LAMC3: variants seen among roughly 807,000 people sequenced by gnomAD.
The protein encoded by LAMC3 is laminin subunit gamma-3.
LAMC3 carries 128 observed loss-of-function variants against 173.8 expected under a neutral mutation model. The ratio of observed to expected loss-of-function variants is 0.74; its 90% confidence interval spans 0.64 to 0.85. The LOEUF (loss-of-function observed/expected upper bound fraction) is 0.85, where lower values mean the gene tolerates loss of function less well. Ranked by LOEUF, LAMC3 falls within the 40% of genes least tolerant of loss-of-function variation. The probability of loss-of-function intolerance (pLI) is 0.00; values close to 1 mark genes in which losing one functional copy is unlikely to be tolerated. For synonymous variants in LAMC3, 897 were observed against 909.1 expected (o/e 0.99, Z 0.24); for missense variants, 2,022 against 2,156.0 (o/e 0.94, Z 1.23).
intron 6 of LAMC3, 51 bp downstream of exon 6, chr9:131,039,299 A>C (rs1374275698): frequency 6.8e-7 from 1 of 1,473,276 alleles, no homozygotes; most frequent in Admixed American, 1.7e-5. Flanking sequence ...AATGACAAGA[A>C]GCAGGAGGAA....
chr9:131,067,009 G>T lies in LAMC3; in HGVS notation c.2397G>T (p.Gly799=). Residue 799 remains glycine (G), a synonymous_variant, in exon 14 of 28, where the codon GGG becomes GGT. Transcript: ENST00000361069. The stretch of plus-strand genomic sequence containing the variant: ...ATGGCTTTTTTGGGGACCCGCTGGG[G>T]CTCTTTGGGCACCCCCAGCCCTGCC... ...CDDGFFGDPL[G]LFGHPQPCHQ... The T allele has an allele frequency of 6.2e-7, 1 of 1,614,010 alleles. No homozygotes were observed. The highest frequency in any genetic ancestry group is 8.5e-7 in the Non-Finnish European group (1 of 1,180,022).
At chr9:131,054,658 T>G (rs1176646875) in intron 11 of LAMC3, among the ~76,000 whole-genome samples, 1 of 151,808 alleles carries the variant, frequency 6.6e-6, no homozygotes, top group Non-Finnish European at 1.5e-5. Context: ...GGAGGGAGAA[T>G]TGCTTGAACC....
Position 131,057,125 on chromosome 9 carries a change from T to C in LAMC3, c.2136T>C (p.His712=). The C allele has an allele frequency of 6.2e-7, 1 of 1,614,086 alleles. No homozygotes were observed. The highest frequency in any genetic ancestry group is 1.7e-4 in the Middle Eastern group (1 of 6,060). Residue 712 remains histidine (H), a synonymous_variant, in exon 12 of 28, where the codon CAT becomes CAC. Coordinates refer to ENST00000361069, the MANE Select transcript of LAMC3 (RefSeq NM_006059.4). Reference sequence around the variant, plus strand: ...GTGTCCCCTGCACCTGTAACCAGCATGGCACCTGTGACCCCAACACAGGTG... The same window carrying C: ...GTGTCCCCTGCACCTGTAACCAGCACGGCACCTGTGACCCCAACACAGGTG... ...ASCVPCTCNQ[H]GTCDPNTGIC...
chr9:131,081,986 G>C (rs571308648), intron 23 of LAMC3, 73 bp from the exon 24 acceptor site: 8 of 1,106,318 alleles, frequency 7.2e-6, no homozygotes, highest in Non-Finnish European at 1.1e-5. Flanking sequence ...ATGTGGGTTT[G>C]GTGCCCACTG....
At chr9:131,021,510 G>A (rs1267298000) in intron 1 of LAMC3, among the ~76,000 whole-genome samples, 1 of 151,784 alleles carries the variant, frequency 6.6e-6, no homozygotes, top group Non-Finnish European at 1.5e-5. Context: ...TCCTCAAACT[G>A]TGTTTTTCCT....
chr9:131,053,065 G>A (rs1440842381), intron 11 of LAMC3, 100 bp downstream of exon 11: 7 of 915,854 alleles, frequency 7.6e-6, no homozygotes, highest in East Asian at 2.6e-5. Flanking sequence ...CCTTGCGGCC[G>A]GGTGGTTATT....
intron 3 of LAMC3, among the ~76,000 whole-genome samples, chr9:131,034,200 G>T (rs182281421): frequency 6.6e-6 from 1 of 152,302 alleles, no homozygotes; most frequent in South Asian, 2.1e-4. Flanking sequence ...AGTGGAGCCC[G>T]TGGAGTCTCA....
intron 1 of LAMC3, among the ~76,000 whole-genome samples, chr9:131,025,564 G>A (rs1320996318): frequency 6.6e-6 from 1 of 152,132 alleles, no homozygotes; most frequent in Non-Finnish European, 1.5e-5. Flanking sequence ...GGGGGCCAAG[G>A]CAGGCAAAGG....
In LAMC3 at chr9:131,082,155, C is replaced by G; in HGVS notation, c.4024C>G (p.Leu1342Val). ...VMGARTLLAD[L>V]EGMKLQFPRP... ...GGGAGCCAGGACTCTGCTGGCTGAT[C>G]TGGAAGGTACGTGAGTCCAGCTGAC... Residue 1342 changes from leucine to valine, a missense_variant, in exon 24 of 28, where the codon CTG (leucine) becomes GTG (valine). Physicochemically the swap from Leu to Val is conservative, Grantham distance 32. Transcript: ENST00000361069. 1 of 1,611,612 alleles carries G rather than the reference C, an allele frequency of 6.2e-7. No individual in the cohort carries two copies. Among genetic ancestry groups the G allele is most frequent in the South Asian group, 1.1e-5 (1 of 90,850 alleles).
rs1490891215 is a variant in LAMC3 at position 131,092,004 on chromosome 9, G to A, written c.*217G>A. ...GTACCCAGTTCACCTGGACATGAGT[G>A]CACACTCTCACCCCTGCACATGCAT... On this transcript the variant is annotated 3_prime_UTR_variant, in exon 28 of 28. Coordinates refer to ENST00000361069, the MANE Select transcript of LAMC3 (RefSeq NM_006059.4). The A allele has an allele frequency of 1.6e-6, 1 of 612,220 alleles. No homozygotes were observed. The highest frequency in any genetic ancestry group is 2.9e-6 in the Non-Finnish European group (1 of 345,840). The allele number at this position is 612,220 out of a possible 1,614,324, so 37.9% of individuals were successfully genotyped here.
rs1243143011 is a variant in LAMC3, at chr9:131,045,628, A to C, written c.1487A>C (p.Gln496Pro). Residue 496 changes from glutamine to proline, a missense_variant, in exon 8 of 28, where the codon CAG (glutamine) becomes CCG (proline). Coordinates refer to ENST00000361069, the MANE Select transcript of LAMC3 (RefSeq NM_006059.4). ...SKVCASTAQF[Q>P]VHHILSDFHQ... ...GTGTGCGCGTCCACTGCCCAGTTCC[A>C]GGTGCATCACATCCTCAGCGATTTC... 1.9e-6 allele frequency: 3 copies of C among 1,614,064 alleles called. No homozygotes were observed. The African/African-American group carries it at 4.0e-5, about 22-fold the overall frequency.
At chr9:131,066,171 G>A (rs1829928477) in intron 13 of LAMC3, among the ~76,000 whole-genome samples, 1 of 150,862 alleles carries the variant, frequency 6.6e-6, no homozygotes, top group Non-Finnish European at 1.5e-5. Flanking sequence ...CTCCAGCCTG[G>A]GTGACAGGAC....
intron 1 of LAMC3, among the ~76,000 whole-genome samples, chr9:131,020,169 G>A (rs1277384212): frequency 2.6e-5 from 4 of 152,212 alleles, no homozygotes; most frequent in African/African-American, 2.4e-5. Flanking sequence ...GAATGCATGG[G>A]TGAGGCTGCC....
Position 131,009,716 on chromosome 9 carries a change from G to A in LAMC3, c.373+129G>A, listed in dbSNP as rs1011832186. The A allele has an allele frequency of 1.7e-5, 20 of 1,163,666 alleles. No homozygotes were observed. Among genetic ancestry groups the A allele is most frequent in the Middle Eastern group, 2.3e-4 (1 of 4,268 alleles). The allele number at this position is 1,163,666 out of a possible 1,614,324, so 72.1% of individuals were successfully genotyped here. On this transcript the variant is annotated intron_variant, in intron 1 of 27. Transcript: ENST00000361069. The surrounding 1 kb of genome is among the most constrained non-coding windows in gnomAD (Gnocchi z 4.3). ...ACCCAGATATGGTGTTGGATGGAGGGGCTCAGAAATAGGAATTAGGCTGGG... is the reference window on the plus strand; with the variant it reads ...ACCCAGATATGGTGTTGGATGGAGGAGCTCAGAAATAGGAATTAGGCTGGG...
chr9:131,048,365 C>A lies in LAMC3; in HGVS notation c.1520-655C>A, dbSNP rs187724920. On this transcript the variant is annotated intron_variant, in intron 8 of 27. Coordinates refer to ENST00000361069, the MANE Select transcript of LAMC3 (RefSeq NM_006059.4). ...AGCCACTGTGCCTGGCCTTCTAGTTCCTTCTAAATGCCTGTCTGCAAACTT... is the reference window on the plus strand; with the variant it reads ...AGCCACTGTGCCTGGCCTTCTAGTTACTTCTAAATGCCTGTCTGCAAACTT... Among the ~76,000 whole-genome samples, 11 of 152,264 alleles carry A rather than the reference C, an allele frequency of 7.2e-5. No homozygotes were observed. In the East Asian group the frequency reaches 2.1e-3, roughly 29 times the overall value.
chr9:131,067,284 G>A, intron 14 of LAMC3, 79 bp downstream of exon 14: 1 of 1,583,488 alleles, frequency 6.3e-7, no homozygotes, highest in Non-Finnish European at 8.6e-7. Flanking sequence ...CCCAGAAGGG[G>A]TGGCTGAGGA....
chr9:131,018,502 A>G (rs1461590562), intron 1 of LAMC3, among the ~76,000 whole-genome samples: 1 of 152,086 alleles, frequency 6.6e-6, no homozygotes, highest in Non-Finnish European at 1.5e-5. Flanking sequence ...CACAAGCTCC[A>G]GGGGCCAATG....
At chr9:131,060,496 TAGAC>T (rs1248501894) in intron 12 of LAMC3, among the ~76,000 whole-genome samples, 2 of 151,846 alleles carry the variant, frequency 1.3e-5, no homozygotes, top group Admixed American at 6.6e-5. Context: ...ATACAAAAAT[TAGAC>T]AGGTGTGGTG....
At chr9:131,010,508 T>C (rs1833394259) in intron 1 of LAMC3, among the ~76,000 whole-genome samples, 1 of 152,170 alleles carries the variant, frequency 6.6e-6, no homozygotes, top group Non-Finnish European at 1.5e-5. Context: ...CCAGAACTGT[T>C]GGGGAGGTGA....
Sources: allele counts gnomAD v4.1 joint callset (sites outside exome capture counted in the v4.1 genomes callset), GRCh38; gene constraint gnomAD v4.1.1; non-coding constraint Gnocchi (gnomAD v3.1); transcripts MANE v1.5; gene names NCBI Gene and HGNC (gene_info 2026-07-23, HGNC 2026-07-21).